Variants in EEF1AKMT2 observed in about 807,000 individuals in gnomAD.
The protein encoded by EEF1AKMT2 is EEF1A lysine methyltransferase 2.
Under a neutral mutation model 35.8 loss-of-function variants are expected in EEF1AKMT2, and 32 were observed. The observed-to-expected ratio is 0.89, with a 90% confidence interval of 0.67 to 1.20. EEF1AKMT2 has a LOEUF of 1.20. Ranked by LOEUF, EEF1AKMT2 falls within the 50% of genes most tolerant of loss-of-function variation. The pLI, the probability that EEF1AKMT2 is intolerant of heterozygous loss-of-function variation, is 0.00. For missense variants in EEF1AKMT2, 330 were observed against 347.5 expected (o/e 0.95, Z 0.40); for synonymous variants, 121 against 133.7 (o/e 0.91, Z 0.65).
intron 3 of EEF1AKMT2, among the ~76,000 whole-genome samples, chr10:124,782,398 C>A (rs537791097): frequency 3.0e-4 from 46 of 151,582 alleles, no homozygotes; most frequent in Non-Finnish European, 6.2e-4. Flanking sequence ...CTGGCTAACA[C>A]GGTGAAACCC....
chr10:124,767,649 A>G (rs1950391134), intron 4 of EEF1AKMT2, among the ~76,000 whole-genome samples: 1 of 152,226 alleles, frequency 6.6e-6, no homozygotes, highest in Non-Finnish European at 1.5e-5. Flanking sequence ...CAGAGAAATA[A>G]GACATTAAGT....
intron 6 of EEF1AKMT2, among the ~76,000 whole-genome samples, 169 bp from the exon 7 acceptor site, chr10:124,760,672 C>T (rs1950323154): frequency 1.3e-5 from 2 of 152,202 alleles, no homozygotes; most frequent in Non-Finnish European, 2.9e-5. Context: ...TATGTATGTA[C>T]AGCATATGTA....
chr10:124,773,943 A>T (rs554328482), intron 4 of EEF1AKMT2, among the ~76,000 whole-genome samples: 23 of 152,334 alleles, frequency 1.5e-4, no homozygotes, highest in Admixed American at 7.2e-4. Context: ...ATGCCTGTCT[A>T]TAACTCTAGA....
At chr10:124,762,959 T>C (rs1950344938) in intron 5 of EEF1AKMT2, among the ~76,000 whole-genome samples, 2 of 152,232 alleles carry the variant, frequency 1.3e-5, no homozygotes, top group South Asian at 2.1e-4. Context: ...AGTTATTATA[T>C]TTCAAAATAG....
intron 4 of EEF1AKMT2, chr10:124,766,151 G>A (rs994752972): frequency 2.2e-4 from 33 of 152,774 alleles, no homozygotes; most frequent in African/African-American, 7.5e-4. Flanking sequence ...TATTCCTAGT[G>A]TGTAACCTAA....
chr10:124,769,248 A>ATATG (rs60863408), intron 4 of EEF1AKMT2, among the ~76,000 whole-genome samples: 5,486 of 63,672 alleles, frequency 0.086, 488 homozygotes, highest in East Asian at 0.24. Context: ...ATATATATAT[A>ATATG]TGTGTGTATA....
At chr10:124,765,715 A>G (rs1950373275) in intron 4 of EEF1AKMT2, 107 bp from the exon 5 acceptor site, 1 of 765,464 alleles carries the variant, frequency 1.3e-6, no homozygotes, top group Non-Finnish European at 2.1e-6. Context: ...ATTAATTATA[A>G]TGGCATTTTA....
intron 3 of EEF1AKMT2, among the ~76,000 whole-genome samples, chr10:124,777,801 G>A (rs567739643): frequency 6.6e-6 from 1 of 152,028 alleles, no homozygotes; most frequent in Non-Finnish European, 1.5e-5. Context: ...CCAAAGTGCT[G>A]GGATTACAGG....
chr10:124,771,305 T>C (rs1227151230), intron 4 of EEF1AKMT2, among the ~76,000 whole-genome samples: 2 of 151,792 alleles, frequency 1.3e-5, no homozygotes, highest in African/African-American at 4.8e-5. Flanking sequence ...TTCACCATGT[T>C]AGCCAGGATG....
chr10:124,784,159 C>A (rs1950565491), intron 3 of EEF1AKMT2, among the ~76,000 whole-genome samples: 3 of 151,986 alleles, frequency 2.0e-5, no homozygotes, highest in African/African-American at 7.3e-5. Flanking sequence ...GAAAAATTCC[C>A]CAAGACACAC....
At chr10:124,782,817 A>C (rs1950554378) in intron 3 of EEF1AKMT2, 1 of 232,890 alleles carries the variant, frequency 4.3e-6, no homozygotes. Flanking sequence ...CTGTCTCAAA[A>C]AAAAAAAAAC....
At chr10:124,762,231 C>T in intron 6 of EEF1AKMT2, 69 bp downstream of exon 6, 1 of 1,032,836 alleles carries the variant, frequency 9.7e-7, no homozygotes, top group Non-Finnish European at 1.2e-6. Flanking sequence ...TAGTGTTTTC[C>T]TAAACTATGA....
At chr10:124,782,506 T>C (rs866362930) in intron 3 of EEF1AKMT2, among the ~76,000 whole-genome samples, 304 of 130,258 alleles carry the variant, frequency 2.3e-3, no homozygotes, top group Middle Eastern at 0.011. Flanking sequence ...GGCGTGAACC[T>C]GGGAGGCGGA....
chr10:124,764,313 A>C (rs1002652964), intron 5 of EEF1AKMT2, among the ~76,000 whole-genome samples: 2 of 152,094 alleles, frequency 1.3e-5, no homozygotes, highest in African/African-American at 2.4e-5. Flanking sequence ...CAAAAAAAAA[A>C]AAAAAACAAA....
chr10:124,781,630 A>C lies in EEF1AKMT2; in HGVS notation c.292-6848T>G, dbSNP rs1459607021. Among the ~76,000 whole-genome samples, 7 of 151,328 alleles carry C rather than the reference A, an allele frequency of 4.6e-5. No homozygotes were observed. The South Asian group carries it at 8.3e-4, about 18-fold the overall frequency. On this transcript the variant is annotated intron_variant, in intron 3 of 6. Coordinates refer to ENST00000368836, the MANE Select transcript of EEF1AKMT2 (RefSeq NM_212554.4). ...TTCTATATTCAGCCAAAAAAAAAAA[A>C]AAAACACTCCTTAGGAATGAAGGTG...
In EEF1AKMT2 at chr10:124,759,165, A is replaced by G. The variant is rs1299082393; in HGVS notation, c.*1338T>C. Reference sequence around the variant, plus strand: ...TTGTATTTAGCTCCAATATTAAAATATTACCACAAATACAAAATGGTATTA... The same window carrying G: ...TTGTATTTAGCTCCAATATTAAAATGTTACCACAAATACAAAATGGTATTA... On this transcript the variant is annotated 3_prime_UTR_variant, in exon 7 of 7. Transcript: ENST00000368836. 2 of 152,204 alleles carry G rather than the reference A, an allele frequency of 1.3e-5. No individual in the cohort carries two copies. The highest frequency in any genetic ancestry group is 2.9e-5 in the Non-Finnish European group (2 of 68,026). 9.4% of individuals were successfully genotyped at this position (152,204 alleles called of 1,614,324 possible). A position where few individuals can be genotyped will look rare whatever the true frequency, so the allele number is the denominator to read the frequency against.
rs1376400476 is a variant in EEF1AKMT2, at chr10:124,759,474, T to C, written c.*1029A>G. 2 of 152,188 alleles carry C rather than the reference T, an allele frequency of 1.3e-5. No homozygotes were observed. The highest frequency in any genetic ancestry group is 6.5e-5 in the Admixed American group (1 of 15,286). 9.4% of individuals were successfully genotyped at this position (152,188 alleles called of 1,614,324 possible). On this transcript the variant is annotated 3_prime_UTR_variant, in exon 7 of 7. Coordinates refer to ENST00000368836, the MANE Select transcript of EEF1AKMT2 (RefSeq NM_212554.4). ...CTACCCATCTTTTCTAACTGAACTTTATATGTAATCATCATGGGTCTCCAG... is the reference window on the plus strand; with the variant it reads ...CTACCCATCTTTTCTAACTGAACTTCATATGTAATCATCATGGGTCTCCAG...
At chr10:124,769,353 G>A (rs1373986053) in intron 4 of EEF1AKMT2, among the ~76,000 whole-genome samples, 1 of 151,332 alleles carries the variant, frequency 6.6e-6, no homozygotes, top group African/African-American at 2.4e-5. Flanking sequence ...GGGTAAATGG[G>A]AGTGTTATTA....
chr10:124,772,647 T>TA (rs1950448490), intron 4 of EEF1AKMT2, among the ~76,000 whole-genome samples: 2 of 152,132 alleles, frequency 1.3e-5, no homozygotes, highest in South Asian at 4.2e-4. Context: ...AGGCTGGTCT[T>TA]AAACTCCTGG....
Sources: gnomAD v4.1 joint callset for allele counts (sites outside exome capture counted in the v4.1 genomes callset) on GRCh38, gnomAD v4.1.1 for gene constraint, MANE v1.5 for transcripts, NCBI Gene and HGNC (gene_info 2026-07-23, HGNC 2026-07-21) for gene names.